IGF1: variants seen among roughly 807,000 people sequenced by gnomAD.
IGF1 encodes insulin-like growth factor 1.
A neutral mutation model predicts 13.8 loss-of-function variants in IGF1; 4 were observed. The observed-to-expected ratio is 0.29, with a 90% CI of 0.14 to 0.66. IGF1 has a LOEUF of 0.66. Among genes scored for constraint, IGF1 ranks in the 30% least tolerant of loss-of-function variants. The pLI is 0.78. For synonymous variants in IGF1, 76 were observed against 72.6 expected (o/e 1.05, Z -0.23); for missense variants, 124 against 188.5 (o/e 0.66, Z 2.00).
At chr12:102,464,831 T>C (rs1360480293) in intron 2 of IGF1, among the ~76,000 whole-genome samples, 1 of 152,252 alleles carries the variant, frequency 6.6e-6, no homozygotes, top group Non-Finnish European at 1.5e-5. Flanking sequence ...TTCTGATTAG[T>C]GAGTACATTT....
intron 2 of IGF1, among the ~76,000 whole-genome samples, chr12:102,457,510 T>C (rs1325147172): frequency 1.3e-5 from 2 of 152,196 alleles, no homozygotes; most frequent in African/African-American, 2.4e-5. Context: ...TGCCCAGTAT[T>C]TCTGGCCTCT....
intron 3 of IGF1, among the ~76,000 whole-genome samples, chr12:102,419,305 A>G (rs1875457368): frequency 6.6e-6 from 1 of 152,186 alleles, no homozygotes; most frequent in Non-Finnish European, 1.5e-5. Flanking sequence ...TCTTCCAATC[A>G]TCACATCGTC....
At chr12:102,438,390 A>G (rs576528503) in intron 2 of IGF1, among the ~76,000 whole-genome samples, 3 of 152,360 alleles carry the variant, frequency 2.0e-5, no homozygotes, top group South Asian at 4.1e-4. Context: ...AGAGTTGTTC[A>G]AGAAGTTCCG....
intron 2 of IGF1, among the ~76,000 whole-genome samples, chr12:102,457,526 T>G (rs142231217): frequency 1.3e-5 from 2 of 152,160 alleles, no homozygotes; most frequent in Non-Finnish European, 2.9e-5. Context: ...CCTCTCTCAG[T>G]CTATAGAACA....
chr12:102,480,918 A>G (rs984222595), upstream of IGF1, among the ~76,000 whole-genome samples: 13 of 152,214 alleles, frequency 8.5e-5, no homozygotes, highest in African/African-American at 3.1e-4. Context: ...GGGGGATGGG[A>G]GAGCAATTTT....
intron 2 of IGF1, among the ~76,000 whole-genome samples, chr12:102,441,906 G>GCTGCTTCTTCTTCTTC: frequency 3.0e-5 from 3 of 100,292 alleles, no homozygotes; most frequent in Non-Finnish European, 4.1e-5. Context: ...CTATTACACT[G>GCTGCTTCTTCTTCTTC]CTTCTTCTCC....
At chr12:102,424,278 A>G (rs1315246502) in intron 2 of IGF1, among the ~76,000 whole-genome samples, 2 of 151,594 alleles carry the variant, frequency 1.3e-5, no homozygotes, top group Non-Finnish European at 2.9e-5. Flanking sequence ...AAGAGGTAAG[A>G]CAATTAACCT....
At chr12:102,465,719 C>G (rs1035341370) in intron 2 of IGF1, among the ~76,000 whole-genome samples, 2 of 152,096 alleles carry the variant, frequency 1.3e-5, no homozygotes, top group African/African-American at 4.8e-5. Flanking sequence ...GGCGGATCAC[C>G]TGAGGTCAGG....
upstream of IGF1, among the ~76,000 whole-genome samples, chr12:102,481,297 TG>T (rs1270355181): frequency 6.6e-6 from 1 of 151,874 alleles, no homozygotes; most frequent in Non-Finnish European, 1.5e-5. Flanking sequence ...GAAGGGTACC[TG>T]GGGGGCAAAC....
At chr12:102,444,805 G>A (rs1250965399) in intron 2 of IGF1, among the ~76,000 whole-genome samples, 1 of 152,006 alleles carries the variant, frequency 6.6e-6, no homozygotes, top group Non-Finnish European at 1.5e-5. Flanking sequence ...ACCCAGTAAG[G>A]AGATGCGTTA....
intron 2 of IGF1, among the ~76,000 whole-genome samples, chr12:102,441,915 CCTTCTTCTTCTTCTTCTT>C (rs57084343): frequency 3.3e-5 from 4 of 122,140 alleles, no homozygotes; most frequent in African/African-American, 1.2e-4. Flanking sequence ...TGCTTCTTCT[CCTTCTTCTTCTTCTTCTT>C]CTTCTTCTTC....
At chr12:102,419,898 C>T (rs1329687589) in intron 2 of IGF1, among the ~76,000 whole-genome samples, 2 of 152,192 alleles carry the variant, frequency 1.3e-5, no homozygotes, top group Non-Finnish European at 2.9e-5. Flanking sequence ...CACTCATTAG[C>T]ACTAACTCAT....
chr12:102,441,608 A>C (rs1253024685), intron 2 of IGF1, among the ~76,000 whole-genome samples: 1 of 152,222 alleles, frequency 6.6e-6, no homozygotes, highest in Non-Finnish European at 1.5e-5. Flanking sequence ...TCGTGGGCAG[A>C]GGATGGGCTT....
chr12:102,437,630 G>A (rs1418260101), intron 2 of IGF1, among the ~76,000 whole-genome samples: 1 of 152,192 alleles, frequency 6.6e-6, no homozygotes, highest in Non-Finnish European at 1.5e-5. Context: ...GCATTAGTTA[G>A]GTGGGGAGAT....
chr12:102,418,127 T>C, intron 3 of IGF1: 1 of 952,426 alleles, frequency 1.0e-6, no homozygotes, highest in South Asian at 1.9e-5. Context: ...GAGAGGGGTC[T>C]AGACCTCAGT....
At chr12:102,453,234 T>C (rs893058560) in intron 2 of IGF1, among the ~76,000 whole-genome samples, 1 of 152,188 alleles carries the variant, frequency 6.6e-6, no homozygotes, top group Non-Finnish European at 1.5e-5. Context: ...AGGGTCTACA[T>C]TGTGCTTTTC....
rs5742621 is a variant in IGF1 at position 102,475,321 on chromosome 12, A to G, written c.220+322T>C. Reference sequence around the variant, plus strand: ...GCCCATAGGTTTTGAAAACAAAAACATCAATACCTCAGGGTTATTTTGTCC... The same window carrying G: ...GCCCATAGGTTTTGAAAACAAAAACGTCAATACCTCAGGGTTATTTTGTCC... On this transcript the variant is annotated intron_variant, in intron 2 of 3. Coordinates refer to ENST00000337514, the MANE Select transcript of IGF1 (RefSeq NM_000618.5). 4.4e-3 allele frequency among the ~76,000 whole-genome samples: 669 copies of G among 152,340 alleles called. 4 individuals carry two copies. Among genetic ancestry groups the G allele is most frequent in the African/African-American group, 0.014 (583 of 41,568 alleles).
At chr12:102,420,815 A>G (rs568973914) in intron 2 of IGF1, among the ~76,000 whole-genome samples, 34 of 152,286 alleles carry the variant, frequency 2.2e-4, no homozygotes, top group African/African-American at 7.7e-4. Context: ...CTCAGGCTTT[A>G]TGGAAGAAAT....
At chr12:102,413,968 C>G (rs775516230) in intron 3 of IGF1, among the ~76,000 whole-genome samples, 2 of 152,170 alleles carry the variant, frequency 1.3e-5, no homozygotes, top group Admixed American at 1.3e-4. Flanking sequence ...ACTACCACAT[C>G]ATGGAAAAGC....
Sources: gnomAD v4.1 joint callset for allele counts (sites outside exome capture counted in the v4.1 genomes callset) on GRCh38, gnomAD v4.1.1 for gene constraint, MANE v1.5 for transcripts, NCBI Gene and HGNC (gene_info 2026-07-23, HGNC 2026-07-21) for gene names.